Variants in TXNRD1 observed in about 807,000 individuals in gnomAD.
TXNRD1 encodes the protein thioredoxin reductase 1.
TXNRD1 carries 57 observed loss-of-function variants against 80.3 expected under a neutral mutation model. The ratio of observed to expected loss-of-function variants is 0.71; its 90% confidence interval spans 0.57 to 0.89. The LOEUF (loss-of-function observed/expected upper bound fraction) is 0.89. TXNRD1 is among the 40% of genes least tolerant of loss of function. TXNRD1 has a pLI of 0.00. For missense variants in TXNRD1, 730 were observed against 803.0 expected (o/e 0.91, Z 1.10); for synonymous variants, 291 against 285.2 (o/e 1.02, Z -0.20).
intron 4 of TXNRD1, among the ~76,000 whole-genome samples, chr12:104,301,398 C>T (rs953344918): frequency 9.2e-5 from 14 of 152,148 alleles, no homozygotes; most frequent in Middle Eastern, 3.4e-3. Context: ...AGTGCAGTGG[C>T]GCGATCTTGG....
At chr12:104,306,601 C>G (rs1415537328) in intron 4 of TXNRD1, among the ~76,000 whole-genome samples, 1 of 152,176 alleles carries the variant, frequency 6.6e-6, no homozygotes, top group African/African-American at 2.4e-5. Context: ...AAGGATTTTT[C>G]ATGTATGGAG....
chr12:104,336,107 C>T (rs1356105468), intron 15 of TXNRD1, among the ~76,000 whole-genome samples: 4 of 152,262 alleles, frequency 2.6e-5, no homozygotes, highest in African/African-American at 9.6e-5. Flanking sequence ...GCCATTCTCA[C>T]TGGCAGTATA....
chr12:104,300,881 G>A (rs753417549), intron 4 of TXNRD1, among the ~76,000 whole-genome samples: 4 of 152,052 alleles, frequency 2.6e-5, no homozygotes, highest in Non-Finnish European at 4.4e-5. Flanking sequence ...CCTGACCTCA[G>A]GTGAGCCACC....
chr12:104,304,128 C>A, intron 4 of TXNRD1: 1 of 1,614,050 alleles, frequency 6.2e-7, no homozygotes, highest in Non-Finnish European at 8.5e-7. Context: ...GCGAACAACT[C>A]CTTAACCGAG....
intron 6 of TXNRD1, among the ~76,000 whole-genome samples, chr12:104,314,694 G>T (rs919278785): frequency 4.6e-5 from 7 of 151,264 alleles, no homozygotes; most frequent in African/African-American, 1.7e-4. Flanking sequence ...GAATGCTGTA[G>T]GCCACCTCCT....
chr12:104,241,018 G>C (rs2032849011), intron 1 of TXNRD1, among the ~76,000 whole-genome samples: 1 of 150,714 alleles, frequency 6.6e-6, no homozygotes, highest in Non-Finnish European at 1.5e-5. Flanking sequence ...TGGGATTACA[G>C]GCATGAGTCA....
intron 4 of TXNRD1, among the ~76,000 whole-genome samples, chr12:104,306,177 T>C (rs897093933): frequency 6.6e-6 from 1 of 152,200 alleles, no homozygotes; most frequent in African/African-American, 2.4e-5. Flanking sequence ...ATGCTGGGAT[T>C]ACAAGTGTGA....
intron 1 of TXNRD1, among the ~76,000 whole-genome samples, chr12:104,228,205 G>A (rs2032520552): frequency 1.3e-5 from 2 of 151,450 alleles, no homozygotes; most frequent in South Asian, 4.2e-4. Flanking sequence ...GGGAGGCTGA[G>A]GCAGGAGAAT....
intron 2 of TXNRD1, among the ~76,000 whole-genome samples, chr12:104,253,728 C>T (rs149010248): frequency 6.6e-4 from 101 of 152,208 alleles, no homozygotes; most frequent in African/African-American, 2.1e-3. Flanking sequence ...GAGTCTCGCT[C>T]TGTTGCCCAG....
In TXNRD1 at chr12:104,348,583, T is replaced by G; in HGVS notation, c.*162T>G. ...CTTGGATCTCTTGGATAGGAGTTGG[T>G]GAATAGAAGGCAGGCAGCATCACAC... On this transcript the variant is annotated 3_prime_UTR_variant, in exon 17 of 17. Transcript: ENST00000525566. The G allele has an allele frequency of 1.6e-6, 1 of 624,820 alleles. No individual in the cohort carries two copies. The highest frequency in any genetic ancestry group is 2.8e-6 in the Non-Finnish European group (1 of 356,928). The allele number at this position is 624,820 out of a possible 1,614,324, so 38.7% of individuals were successfully genotyped here.
chr12:104,239,454 C>G (rs567006194), intron 1 of TXNRD1, among the ~76,000 whole-genome samples: 1 of 152,166 alleles, frequency 6.6e-6, no homozygotes, highest in African/African-American at 2.4e-5. Context: ...CTCGGCCTCA[C>G]GAAGTACTGG....
intron 11 of TXNRD1, among the ~76,000 whole-genome samples, chr12:104,325,871 C>CAA (rs34788892): frequency 7.7e-6 from 1 of 130,022 alleles, no homozygotes; most frequent in Non-Finnish European, 1.7e-5. Context: ...GACTCCATCT[C>CAA]AAAAAAAAAA....
At chr12:104,343,866 G>A (rs2036407801) in intron 16 of TXNRD1, among the ~76,000 whole-genome samples, 1 of 152,006 alleles carries the variant, frequency 6.6e-6, no homozygotes, top group East Asian at 1.9e-4. Flanking sequence ...CACTTTAGGA[G>A]GCCAAGGTGG....
rs1273271219 is a variant in TXNRD1 at position 104,251,597 on chromosome 12, C to T, written c.162C>T (p.Asp54=). 6.2e-7 allele frequency: 1 copy of T among 1,613,972 alleles called. No homozygotes were observed. The highest frequency in any genetic ancestry group is 8.5e-7 in the Non-Finnish European group (1 of 1,179,840). The change falls in exon 2 of 17, where the codon GAC becomes GAT. Residue 54 remains aspartate, a synonymous_variant. Coordinates refer to ENST00000525566, the MANE Select transcript of TXNRD1 (RefSeq NM_001093771.3). Reference sequence around the variant, plus strand: ...GATTCACCAGCACGGCCACTGCAGACTCCAGAGCCCTGCTTCAGGCCTATA... The same window carrying T: ...GATTCACCAGCACGGCCACTGCAGATTCCAGAGCCCTGCTTCAGGCCTATA... ...PAGFTSTATA[D]SRALLQAYID...
At chr12:104,344,951 G>C (rs2036444089) in intron 16 of TXNRD1, among the ~76,000 whole-genome samples, 1 of 152,206 alleles carries the variant, frequency 6.6e-6, no homozygotes, top group African/African-American at 2.4e-5. Context: ...GCTGGGTTCT[G>C]ACTTGGATAG....
intron 2 of TXNRD1, among the ~76,000 whole-genome samples, chr12:104,252,688 A>AT (rs2033150977): frequency 3.8e-4 from 25 of 65,742 alleles, no homozygotes; most frequent in Non-Finnish European, 5.0e-4. Flanking sequence ...ATATATATAT[A>AT]TATTTTTTTT....
At chr12:104,226,485 A>G (rs12422755) in intron 1 of TXNRD1, among the ~76,000 whole-genome samples, 16 of 152,198 alleles carry the variant, frequency 1.1e-4, no homozygotes, top group Admixed American at 1.0e-3. Flanking sequence ...TCCCCAATAT[A>G]AGATGATCTT....
chr12:104,267,554 T>G (rs1346866796), intron 3 of TXNRD1, among the ~76,000 whole-genome samples: 1 of 151,840 alleles, frequency 6.6e-6, no homozygotes, highest in Non-Finnish European at 1.5e-5. Flanking sequence ...TTTCTGAGAC[T>G]ATCCCGTAGA....
At chr12:104,287,327 A>G in intron 3 of TXNRD1, 1 of 1,613,948 alleles carries the variant, frequency 6.2e-7, no homozygotes, top group Non-Finnish European at 8.5e-7. Context: ...CGGTCACACA[A>G]AGCTTCAGCA....
Sources: gnomAD v4.1 joint callset for allele counts (sites outside exome capture counted in the v4.1 genomes callset) on GRCh38, gnomAD v4.1.1 for gene constraint, MANE v1.5 for transcripts, NCBI Gene and HGNC (gene_info 2026-07-23, HGNC 2026-07-21) for gene names.